EPB42: variants seen among roughly 807,000 people sequenced by gnomAD.
EPB42 encodes erythrocyte membrane protein band 4.2, also known as protein 4.2.
In EPB42, 49 loss-of-function variants were observed where a neutral mutation model predicts 76.9. That is an observed-to-expected ratio of 0.64 (90% CI 0.51 to 0.81). EPB42 has a LOEUF of 0.81. Among genes scored for constraint, EPB42 ranks in the 30% least tolerant of loss-of-function variants. The pLI, the probability that EPB42 is intolerant of heterozygous loss-of-function variation, is 0.00. For synonymous variants in EPB42, 310 were observed against 338.4 expected (o/e 0.92, Z 0.92); for missense variants, 731 against 867.6 (o/e 0.84, Z 1.98).
chr15:43,201,764 A>G, intron 12 of EPB42, 80 bp downstream of exon 12: 1 of 1,597,882 alleles, frequency 6.3e-7, no homozygotes, highest in South Asian at 1.1e-5. Context: ...GACATGGCAA[A>G]GAGAGAGTTT....
chr15:43,224,561 C>A (rs569905564), upstream of EPB42, among the ~76,000 whole-genome samples: 1 of 151,472 alleles, frequency 6.6e-6, no homozygotes, highest in South Asian at 2.1e-4. Flanking sequence ...ATTTATCATA[C>A]AAATGATCAA....
upstream of EPB42, among the ~76,000 whole-genome samples, chr15:43,225,441 C>T (rs1021363159): frequency 6.6e-6 from 1 of 152,152 alleles, no homozygotes; most frequent in African/African-American, 2.4e-5. Context: ...ATGTGTTCTC[C>T]TTCTGGTTCT....
chr15:43,210,137 T>C (rs1050408629), intron 5 of EPB42, among the ~76,000 whole-genome samples, 198 bp downstream of exon 5: 1 of 152,210 alleles, frequency 6.6e-6, no homozygotes, highest in Non-Finnish European at 1.5e-5. Context: ...CACATTTCTT[T>C]GCTTTTCTCC....
At chr15:43,204,954 T>G (rs2042177215) in intron 10 of EPB42, among the ~76,000 whole-genome samples, 1 of 117,126 alleles carries the variant, frequency 8.5e-6, no homozygotes, top group Non-Finnish European at 1.7e-5. Context: ...CTCAGAAGGC[T>G]GCCCCCTCCG....
At chr15:43,202,970 C>T in intron 11 of EPB42, 145 bp downstream of exon 11, 1 of 1,041,976 alleles carries the variant, frequency 9.6e-7, no homozygotes, top group Admixed American at 1.9e-5. Context: ...GAAACTATGT[C>T]TTTCAAGGGA....
Position 43,210,374 on chromosome 15 carries a change from C to T in EPB42, c.615G>A (p.Trp205Ter). Reference protein sequence around the residue: ...LLSKDKQVEKWSQPVHVARVL... With the variant: ...LLSKDKQVEK ...CACGGGCCACGTGCACCGGCTGGCTCCACTTCTCTACCTGCTTGTCCTTGC... is the reference window on the plus strand; with the variant it reads ...CACGGGCCACGTGCACCGGCTGGCTTCACTTCTCTACCTGCTTGTCCTTGC... Residue 205 changes from tryptophan (W) to a stop codon, truncating the protein, a stop_gained, in exon 5 of 13, where the codon TGG becomes TGA. Coordinates refer to ENST00000441366, the MANE Select transcript of EPB42 (RefSeq NM_001114134.2). LOFTEE classifies it high-confidence loss of function. The T allele has an allele frequency of 6.2e-7, 1 of 1,613,944 alleles. No homozygotes were observed. Among genetic ancestry groups the T allele is most frequent in the South Asian group, 1.1e-5 (1 of 91,066 alleles).
chr15:43,219,799 A>G (rs2042430814), intron 1 of EPB42, among the ~76,000 whole-genome samples: 1 of 152,092 alleles, frequency 6.6e-6, no homozygotes, highest in Non-Finnish European at 1.5e-5. Context: ...ACAAAAAATT[A>G]GCCGGGCATG....
chr15:43,200,955 C>G (rs553474385), intron 12 of EPB42, among the ~76,000 whole-genome samples: 3 of 152,254 alleles, frequency 2.0e-5, no homozygotes, highest in African/African-American at 7.2e-5. Flanking sequence ...GCTGAGACTA[C>G]AGGCGTCTGC....
rs2042322959 is a variant in EPB42, at chr15:43,212,947, C to T, written c.431-1413G>A. ...GCTGCTAGGCTAACCTCTCTGGAGC[C>T]CTCCAGGGATCCATCTGGGGATGAG... is the stretch of plus-strand genomic sequence containing the variant. On this transcript the variant is annotated intron_variant, in intron 3 of 12. Transcript: ENST00000441366. 2.0e-5 allele frequency among the ~76,000 whole-genome samples: 3 copies of T among 152,032 alleles called. No homozygotes were observed. In the South Asian group the frequency reaches 6.3e-4, roughly 32 times the overall value.
At chr15:43,214,975 T>A in intron 3 of EPB42, 120 bp downstream of exon 3, 3 of 851,028 alleles carry the variant, frequency 3.5e-6, no homozygotes, top group Non-Finnish European at 5.8e-6. Flanking sequence ...TGGGTGTTGG[T>A]GCTGTCCTTA....
At chr15:43,202,008 G>A (rs1235748468) in intron 11 of EPB42, 31 bp from the exon 12 acceptor site, 1 of 1,613,316 alleles carries the variant, frequency 6.2e-7, no homozygotes, top group African/African-American at 1.3e-5. Context: ...TGGTGTGGAT[G>A]CCAAGGGCAC....
At chr15:43,225,644 A>T (rs2042501418), upstream of EPB42, among the ~76,000 whole-genome samples, 1 of 152,206 alleles carries the variant, frequency 6.6e-6, no homozygotes, top group Non-Finnish European at 1.5e-5. Flanking sequence ...CTATTCCAGC[A>T]GGGGGAGACA....
At position 43,207,420 on chromosome 15, in the gene EPB42, A is replaced by G. The variant is rs1008007599; in HGVS notation, c.1097T>C (p.Val366Ala). 1.3e-5 allele frequency: 21 copies of G among 1,613,806 alleles called. No individual in the cohort carries two copies. The highest frequency in any genetic ancestry group is 1.8e-5 in the Non-Finnish European group (21 of 1,180,030). ...CCCCTCCTTGACTGCTCTGACCGGCACCAGATCACAGGACCCCAGGACTGA... is the reference window on the plus strand; with the variant it reads ...CCCCTCCTTGACTGCTCTGACCGGCGCCAGATCACAGGACCCCAGGACTGA... ...GGGVLGSCDL[V>A]PVRAVKEGTL... Residue 366 changes from valine (V) to alanine (A), a missense_variant, in exon 9 of 13, where the codon GTG (valine) becomes GCG (alanine). Transcript: ENST00000441366.
At chr15:43,222,234 A>C (rs530960188), upstream of EPB42, among the ~76,000 whole-genome samples, 3 of 152,224 alleles carry the variant, frequency 2.0e-5, no homozygotes, top group Non-Finnish European at 4.4e-5. Context: ...ATCTACTAAC[A>C]ATGATTATAA....
chr15:43,203,344 A>G, intron 10 of EPB42, 69 bp from the exon 11 acceptor site: 2 of 1,595,926 alleles, frequency 1.3e-6, no homozygotes, highest in Middle Eastern at 1.7e-4. Context: ...ATAGTTACAC[A>G]CACAATACAA....
intron 3 of EPB42, among the ~76,000 whole-genome samples, chr15:43,213,128 T>C (rs947738449): frequency 1.3e-5 from 2 of 152,088 alleles, no homozygotes; most frequent in Admixed American, 6.5e-5. Context: ...CTGTTTTTTA[T>C]TTTTTATTTT....
intron 12 of EPB42, among the ~76,000 whole-genome samples, chr15:43,199,344 A>T (rs2042094411): frequency 6.6e-6 from 1 of 152,220 alleles, no homozygotes; most frequent in Admixed American, 6.5e-5. Context: ...CATTATTGTG[A>T]CCTAGAGTCA....
Position 43,206,460 on chromosome 15 carries a change from C to T in EPB42, c.1488G>A (p.Thr496=), listed in dbSNP as rs748857196. 1.6e-5 allele frequency: 26 copies of T among 1,614,080 alleles called. No homozygotes were observed. Among genetic ancestry groups the T allele is most frequent in the Middle Eastern group, 1.6e-4 (1 of 6,084 alleles). The change falls in exon 10 of 13, where the codon ACG becomes ACA. Residue 496 remains threonine (T), a synonymous_variant. Transcript: ENST00000441366. This position sits in a 1 kb window ranked among gnomAD's most constrained non-coding sequence, Gnocchi z 4.7. ...PLRGDAQISV[T]LVNHSEQEKA... is the part of the protein sequence containing the mutation. The stretch of plus-strand genomic sequence containing the variant: ...TCTCCTGCTCACTGTGATTAACCAG[C>T]GTCACTGAGATCTGGGCATCCCCTC...
intron 8 of EPB42, 82 bp downstream of exon 8, chr15:43,208,148 C>A (rs926005964): frequency 1.1e-4 from 135 of 1,257,642 alleles, no homozygotes; most frequent in Middle Eastern, 1.0e-3. Flanking sequence ...CCCCTTGGGA[C>A]TGCCTGCTGC....
Sources: gnomAD v4.1 joint callset for allele counts (sites outside exome capture counted in the v4.1 genomes callset) on GRCh38, gnomAD v4.1.1 for gene constraint, Gnocchi (gnomAD v3.1) non-coding constraint, MANE v1.5 for transcripts, NCBI Gene and HGNC (gene_info 2026-07-23, HGNC 2026-07-21) for gene names.